Variants in KAT8 observed in about 807,000 individuals in gnomAD.
KAT8 encodes lysine acetyltransferase 8.
In KAT8, 40 loss-of-function variants were observed where a neutral mutation model predicts 62.9. The observed-to-expected ratio is 0.64, with a 90% CI of 0.49 to 0.83. KAT8 has a LOEUF of 0.83. KAT8 is among the 40% of genes least tolerant of loss of function. The pLI, the probability that KAT8 is intolerant of heterozygous loss-of-function variation, is 0.00. For missense variants in KAT8, 387 were observed against 614.8 expected, an observed-to-expected ratio of 0.63 and a Z score of 3.92; for synonymous variants, 278 against 254.5, an observed-to-expected ratio of 1.09 and a Z score of -0.88.
chr16:31,121,449 A>G (rs1284904764), intron 3 of KAT8, among the ~76,000 whole-genome samples: 1 of 151,992 alleles, frequency 6.6e-6, no homozygotes, highest in Non-Finnish European at 1.5e-5. Flanking sequence ...ACATGACCTC[A>G]CTGACATTTC....
rs1271687018 is a variant in KAT8 at position 31,128,059 on chromosome 16, C to T, written c.691C>T (p.Gln231Ter). The T allele has an allele frequency of 6.2e-7, 1 of 1,613,664 alleles. No individual in the cohort carries two copies. The highest frequency in any genetic ancestry group is 8.5e-7 in the Non-Finnish European group (1 of 1,179,788). Residue 231 changes from glutamine (Q) to a stop codon, truncating the protein, a stop_gained, in exon 6 of 11, where the codon CAG (glutamine) becomes TAG (stop). Coordinates refer to ENST00000219797, the MANE Select transcript of KAT8 (RefSeq NM_032188.3). LOFTEE classifies it high-confidence loss of function. ...TCTTGTCCCCGACCAGGGTCAGTGC[C>T]AGTGGCGGCAGCCCCCCGGGAAAGA... ...KSYRFHLGQC[Q>*]WRQPPGKEIY...
chr16:31,118,382 C>G (rs1295490013), intron 1 of KAT8: 1 of 152,934 alleles, frequency 6.5e-6, no homozygotes, highest in East Asian at 1.9e-4. Flanking sequence ...TCTCCAGTTT[C>G]TAGCCAACAC....
chr16:31,129,671 C>A (rs1021666650), intron 6 of KAT8, among the ~76,000 whole-genome samples: 1 of 152,150 alleles, frequency 6.6e-6, no homozygotes, highest in African/African-American at 2.4e-5. Flanking sequence ...CAGCCATGAA[C>A]AGGACGGTCT....
intron 5 of KAT8, 90 bp downstream of exon 5, chr16:31,127,443 TC>T: frequency 7.2e-7 from 1 of 1,387,792 alleles, no homozygotes; most frequent in Middle Eastern, 2.5e-4. Context: ...CGCCGGCAGC[TC>T]CAGGGAGGAG....
chr16:31,122,228 A>G (rs1038003035), intron 3 of KAT8: 1 of 152,354 alleles, frequency 6.6e-6, no homozygotes, highest in Non-Finnish European at 1.5e-5. Flanking sequence ...AAGAAAGTGG[A>G]TAAGATAGAA....
In KAT8 at chr16:31,130,538, C is replaced by T; in HGVS notation, c.1089C>T (p.Ser363=). 1.2e-6 allele frequency: 2 copies of T among 1,614,176 alleles called. No homozygotes were observed. Among genetic ancestry groups the T allele is most frequent in the Non-Finnish European group, 1.7e-6 (2 of 1,179,978 alleles). The change falls in exon 9 of 11, where the codon AGC becomes AGT. Residue 363 remains serine (S), a synonymous_variant. Transcript: ENST00000219797. ...LSDLGKLSYR[S]YWSWVLLEIL... The stretch of plus-strand genomic sequence containing the variant: ...ACCTGGGCAAGCTCAGCTACCGCAG[C>T]TACTGGTCCTGGGTGCTGCTAGAGA...
At chr16:31,130,627 C>T in intron 9 of KAT8, 21 bp downstream of exon 9, 1 of 1,613,304 alleles carries the variant, frequency 6.2e-7, no homozygotes. Context: ...CTCCCGGGCC[C>T]TGGGGGCAGG....
At chr16:31,123,274 T>TG (rs1306007897) in intron 3 of KAT8, among the ~76,000 whole-genome samples, 2 of 152,178 alleles carry the variant, frequency 1.3e-5, no homozygotes, top group Non-Finnish European at 2.9e-5. Flanking sequence ...TGGAGTGCAG[T>TG]GGTGCGATCT....
Position 31,118,258 on chromosome 16 carries a change from G to A in KAT8, c.211+366G>A, listed in dbSNP as rs1334952394. ...TTCCATTTGTCCCTGGCAGCCATCC[G>A]CAGAGAGAAGACCTTCCAGAAACAA... is the stretch of plus-strand genomic sequence containing the variant. On this transcript the variant is annotated intron_variant, in intron 1 of 10. Coordinates refer to ENST00000219797, the MANE Select transcript of KAT8 (RefSeq NM_032188.3). 1.5e-5 allele frequency: 3 copies of A among 195,420 alleles called. No homozygotes were observed. In the Admixed American group the frequency reaches 1.8e-4, roughly 12 times the overall value. The allele number at this position is 195,420 out of a possible 1,614,324, so 12.1% of individuals were successfully genotyped here. A position where few individuals can be genotyped will look rare whatever the true frequency, so the allele number is the denominator to read the frequency against.
rs368528938 is a variant in KAT8 at position 31,128,163 on chromosome 16, G to A, written c.771+24G>A. On this transcript the variant is annotated intron_variant, in intron 6 of 10. Transcript: ENST00000219797. Reference sequence around the variant, plus strand: ...AGGTGAGTGGGTGGCCAGGGGTTGGGAGAGGCCGGGGAGGCCCTGGGCACC... The same window carrying A: ...AGGTGAGTGGGTGGCCAGGGGTTGGAAGAGGCCGGGGAGGCCCTGGGCACC... 44 of 1,590,844 alleles carry A rather than the reference G, an allele frequency of 2.8e-5. No individual in the cohort carries two copies. In the African/African-American group the frequency reaches 5.2e-4, roughly 19 times the overall value.
chr16:31,130,001 C>G lies in KAT8; in HGVS notation c.772-16C>G, dbSNP rs552204878. 5.0e-6 allele frequency: 8 copies of G among 1,614,006 alleles called. No individual in the cohort carries two copies. The highest frequency in any genetic ancestry group is 1.1e-5 in the South Asian group (1 of 91,066). On this transcript the variant is annotated splice_polypyrimidine_tract_variant and intron_variant, in intron 6 of 10. Transcript: ENST00000219797. ...TGCCTGCCCCCTGAGCCTGTCTCCCCCCTCCTCAACCCTAGATTTACTGTC... is the reference window on the plus strand; with the variant it reads ...TGCCTGCCCCCTGAGCCTGTCTCCCGCCTCCTCAACCCTAGATTTACTGTC...
chr16:31,121,719 T>C (rs1197893732), intron 3 of KAT8, among the ~76,000 whole-genome samples: 2 of 152,064 alleles, frequency 1.3e-5, no homozygotes, highest in Non-Finnish European at 2.9e-5. Context: ...CCTTGGTTTT[T>C]TCTTGTATTG....
At position 31,127,231 on chromosome 16, in the gene KAT8, T is replaced by A. The variant is rs2057538428; in HGVS notation, c.559T>A (p.Tyr187Asn). The A allele has an allele frequency of 6.2e-7, 1 of 1,614,130 alleles. No homozygotes were observed. The highest frequency in any genetic ancestry group is 1.3e-5 in the African/African-American group (1 of 74,954). Residue 187 changes from tyrosine (Y) to asparagine (N), a missense_variant, in exon 5 of 11, where the codon TAC (tyrosine) becomes AAC (asparagine). Physicochemically the swap from Tyr to Asn is moderately radical, Grantham distance 143 (BLOSUM62 -2). Coordinates refer to ENST00000219797, the MANE Select transcript of KAT8 (RefSeq NM_032188.3). ...TGTGGACAAGATCCACATCGGGAACTACGAAATTGATGCCTGGTATTTCTC... is the reference window on the plus strand; with the variant it reads ...TGTGGACAAGATCCACATCGGGAACAACGAAATTGATGCCTGGTATTTCTC... ...KYVDKIHIGN[Y>N]EIDAWYFSPF... is the part of the protein sequence containing the mutation.
At chr16:31,125,795 G>A (rs1451804316) in intron 3 of KAT8, 2 of 152,148 alleles carry the variant, frequency 1.3e-5, no homozygotes, top group East Asian at 1.9e-4. Flanking sequence ...ACCGTCTTGG[G>A]TCCCCCTTCC....
chr16:31,131,043 C>G (rs2057574866), intron 10 of KAT8, 143 bp downstream of exon 10: 2 of 1,502,904 alleles, frequency 1.3e-6, no homozygotes, highest in South Asian at 2.6e-5. Context: ...GCAGGCCTCT[C>G]ATTCCTGGGC....
At chr16:31,119,202 T>A (rs2057474440) in intron 1 of KAT8, among the ~76,000 whole-genome samples, 1 of 152,200 alleles carries the variant, frequency 6.6e-6, no homozygotes, top group African/African-American at 2.4e-5. Flanking sequence ...CAGGCTGGAG[T>A]GCAGTGGCGC....
chr16:31,119,467 T>G (rs903895338), intron 1 of KAT8, among the ~76,000 whole-genome samples: 1 of 152,104 alleles, frequency 6.6e-6, no homozygotes, highest in Non-Finnish European at 1.5e-5. Flanking sequence ...TACATTAATG[T>G]AGGTTATCTT....
At chr16:31,123,067 C>T (rs907267536) in intron 3 of KAT8, among the ~76,000 whole-genome samples, 35 of 152,080 alleles carry the variant, frequency 2.3e-4, no homozygotes, top group Non-Finnish European at 3.4e-4. Flanking sequence ...CCTGTAATCC[C>T]GGCTACTTAG....
At chr16:31,119,248 C>G (rs1230487634) in intron 1 of KAT8, among the ~76,000 whole-genome samples, 3 of 152,176 alleles carry the variant, frequency 2.0e-5, no homozygotes, top group Non-Finnish European at 2.9e-5. Context: ...CTCCCGGATT[C>G]AAGCGATTCT....
Sources: gnomAD v4.1 joint callset for allele counts (sites outside exome capture counted in the v4.1 genomes callset) on GRCh38, gnomAD v4.1.1 for gene constraint, MANE v1.5 for transcripts, NCBI Gene and HGNC (gene_info 2026-07-23, HGNC 2026-07-21) for gene names.